The following NUP210 variants were observed in gnomAD, a reference collection of about 807,000 sequenced individuals.
NUP210 encodes the protein nuclear pore membrane glycoprotein 210.
In NUP210, 151 loss-of-function variants were observed where a neutral mutation model predicts 196.0. That is an observed-to-expected ratio of 0.77 (90% confidence interval 0.67 to 0.88). The LOEUF (loss-of-function observed/expected upper bound fraction) is 0.88, where lower values mean the gene tolerates loss of function less well. NUP210 is among the 40% of genes least tolerant of loss of function. The pLI, the probability that NUP210 is intolerant of heterozygous loss-of-function variation, is 0.00. For missense variants in NUP210, 2,314 were observed against 2,493.7 expected (o/e 0.93, Z 1.53); for synonymous variants, 1,070 against 1,052.7 (o/e 1.02, Z -0.32).
chr3:13,377,977 C>G (rs1359696880), intron 8 of NUP210, among the ~76,000 whole-genome samples: 1 of 152,196 alleles, frequency 6.6e-6, no homozygotes, highest in African/African-American at 2.4e-5. Context: ...ATGGCCCTGG[C>G]CTCCTCCTTC....
chr3:13,338,456 C>T (rs1370239421), intron 25 of NUP210, among the ~76,000 whole-genome samples: 1 of 152,236 alleles, frequency 6.6e-6, no homozygotes, highest in Non-Finnish European at 1.5e-5. Context: ...TGAACTGAGG[C>T]TATTAAAACC....
chr3:13,377,872 C>A (rs1232298617), intron 8 of NUP210, among the ~76,000 whole-genome samples: 1 of 146,394 alleles, frequency 6.8e-6, no homozygotes, highest in African/African-American at 2.5e-5. Flanking sequence ...CTGCAGGCCC[C>A]ACACCACTTA....
In NUP210 at chr3:13,323,632, C is replaced by A. The variant is rs1297605827; in HGVS notation, c.4645-200G>T. ...GCCCAGTCTGGTCAGACTTCACAGCCCAGTTCTCCCATTGAACAAGCTGCT... is the reference window on the plus strand; with the variant it reads ...GCCCAGTCTGGTCAGACTTCACAGCACAGTTCTCCCATTGAACAAGCTGCT... On this transcript the variant is annotated intron_variant, in intron 33 of 39. Transcript: ENST00000254508. This position sits in a 1 kb window ranked among gnomAD's most constrained non-coding sequence, Gnocchi z 4.3. Among the ~76,000 whole-genome samples the A allele has an allele frequency of 3.9e-5, 6 of 152,192 alleles. No individual in the cohort carries two copies. The highest frequency in any genetic ancestry group is 1.4e-4 in the African/African-American group (6 of 41,442).
chr3:13,335,677 A>C, intron 27 of NUP210, 65 bp from the exon 28 acceptor site: 1 of 1,564,948 alleles, frequency 6.4e-7, no homozygotes. Context: ...AAAAAGGCAG[A>C]GCCGGACAGT....
intron 20 of NUP210, 33 bp from the exon 21 acceptor site, chr3:13,343,336 T>TGTGGGGGGGGGGGGGGGGGGGGGGGGG: frequency 3.8e-6 from 1 of 260,406 alleles, no homozygotes. Context: ...GAGGGGTGGG[T>TGTGGGGGGGGGGGGGGGGGGGGGGGGG]GGTGGGTTAC....
intron 36 of NUP210, among the ~76,000 whole-genome samples, chr3:13,321,373 G>A (rs1471154409): frequency 1.3e-5 from 2 of 152,252 alleles, no homozygotes; most frequent in Non-Finnish European, 2.9e-5. Context: ...AAGACCAGCA[G>A]CGGTCAGAAC....
intron 27 of NUP210, among the ~76,000 whole-genome samples, 177 bp downstream of exon 27, chr3:13,336,610 C>T (rs1331448044): frequency 6.6e-6 from 1 of 152,124 alleles, no homozygotes; most frequent in Non-Finnish European, 1.5e-5. Context: ...ATGTGTTTAG[C>T]ATTTGGGAGA....
chr3:13,338,273 C>A (rs553844091), intron 25 of NUP210, among the ~76,000 whole-genome samples: 4 of 152,302 alleles, frequency 2.6e-5, no homozygotes, highest in African/African-American at 9.6e-5. Flanking sequence ...CAGGCCCTCC[C>A]AACCCCAAAT....
chr3:13,383,922 A>G (rs1442217641), intron 6 of NUP210, among the ~76,000 whole-genome samples: 1 of 151,836 alleles, frequency 6.6e-6, no homozygotes, highest in Non-Finnish European at 1.5e-5. Flanking sequence ...GTCCCATGCA[A>G]ATGGACCACC....
chr3:13,410,626 A>G (rs531897166), intron 1 of NUP210, among the ~76,000 whole-genome samples: 13 of 151,244 alleles, frequency 8.6e-5, no homozygotes, highest in African/African-American at 2.7e-4. Context: ...TCTAAAAAAA[A>G]AAACAAAAAG....
At chr3:13,374,004 T>G in intron 11 of NUP210, 131 bp from the exon 12 acceptor site, 12 of 1,056,318 alleles carry the variant, frequency 1.1e-5, no homozygotes, top group South Asian at 1.5e-5. Flanking sequence ...ACTCATGGGT[T>G]CACCCATGCA....
At chr3:13,324,609 C>T (rs546087098) in intron 33 of NUP210, among the ~76,000 whole-genome samples, 5 of 152,282 alleles carry the variant, frequency 3.3e-5, no homozygotes, top group Admixed American at 1.3e-4. Flanking sequence ...CCCTCCCTCC[C>T]GTCTCTCCCA....
At chr3:13,417,836 T>A (rs1460800129) in intron 1 of NUP210, among the ~76,000 whole-genome samples, 1 of 152,174 alleles carries the variant, frequency 6.6e-6, no homozygotes, top group East Asian at 1.9e-4. Flanking sequence ...AGATTAAGAA[T>A]GTTTTTTCCC....
At chr3:13,390,608 G>A (rs111278385) in intron 4 of NUP210, among the ~76,000 whole-genome samples, 18 of 152,306 alleles carry the variant, frequency 1.2e-4, no homozygotes, top group African/African-American at 3.8e-4. Context: ...GCAGATCCAC[G>A]GATCTGAGTT....
At chr3:13,370,554 G>A (rs1279068161) in intron 13 of NUP210, among the ~76,000 whole-genome samples, 1 of 152,192 alleles carries the variant, frequency 6.6e-6, no homozygotes, top group African/African-American at 2.4e-5. Context: ...CTCCCTCCAG[G>A]ACGGTTGTGG....
chr3:13,408,921 G>T (rs1700078619), intron 1 of NUP210, among the ~76,000 whole-genome samples: 1 of 152,174 alleles, frequency 6.6e-6, no homozygotes, highest in East Asian at 1.9e-4. Context: ...GCAGCAGCAG[G>T]TCTCATGTGA....
intron 14 of NUP210, 97 bp from the exon 15 acceptor site, chr3:13,360,588 G>T (rs1352903063): frequency 2.2e-6 from 2 of 912,304 alleles, no homozygotes; most frequent in Non-Finnish European, 3.3e-6. Flanking sequence ...GCTTGTGGGG[G>T]CTGGTGGTCA....
At position 13,339,995 on chromosome 3, in the gene NUP210, G is replaced by A. The variant is rs766596955; in HGVS notation, c.3330C>T (p.Ile1110=). The A allele has an allele frequency of 3.7e-6, 6 of 1,613,926 alleles. No individual in the cohort carries two copies. Among genetic ancestry groups the A allele is most frequent in the Non-Finnish European group, 4.2e-6 (5 of 1,180,040 alleles). The part of the protein sequence containing the change: ...SEGGPQPQSN[I]LFSISNESVA... ...CGCTCTCATTGCTGATGGAGAAAAG[G>A]ATGTTGGACTGAGGCTGGGGGCCGC... The change falls in exon 25 of 40, where the codon ATC becomes ATT. Residue 1110 remains isoleucine, a synonymous_variant. Coordinates refer to ENST00000254508, the MANE Select transcript of NUP210 (RefSeq NM_024923.4).
At chr3:13,414,368 G>A (rs1700275312) in intron 1 of NUP210, among the ~76,000 whole-genome samples, 1 of 152,240 alleles carries the variant, frequency 6.6e-6, no homozygotes, top group Non-Finnish European at 1.5e-5. Flanking sequence ...CAGGTCCACA[G>A]ACACTTCCTG....
Sources: allele counts gnomAD v4.1 joint callset (sites outside exome capture counted in the v4.1 genomes callset), GRCh38; gene constraint gnomAD v4.1.1; non-coding constraint Gnocchi (gnomAD v3.1); transcripts MANE v1.5; gene names NCBI Gene and HGNC (gene_info 2026-07-23, HGNC 2026-07-21).